NECTIN2: variants seen among roughly 807,000 people sequenced by gnomAD.
NECTIN2 encodes the protein nectin cell adhesion molecule 2.
In NECTIN2, 23 loss-of-function variants were observed where a neutral mutation model predicts 56.9. That is an observed-to-expected ratio of 0.40 (90% CI 0.29 to 0.57). NECTIN2 has a LOEUF of 0.57. NECTIN2 is among the 20% of genes least tolerant of loss of function. The pLI is 0.38. For synonymous variants in NECTIN2, 302 were observed against 313.8 expected, an observed-to-expected ratio of 0.96 and a Z score of 0.40; for missense variants, 587 against 718.3, an observed-to-expected ratio of 0.82 and a Z score of 2.09.
chr19:44,882,229 G>T lies in NECTIN2; in HGVS notation c.1061G>T (p.Gly354Val). ...CTTGCAGAGACCCCCAACACAGCAG[G>T]CGCAGGGGCCACAGGCGGCATCATC... ...IFVRETPNTA[G>V]AGATGGIIGG... Residue 354 changes from glycine to valine, a missense_variant, in exon 6 of 9, where the codon GGC (glycine) becomes GTC (valine). Physicochemically the swap from Gly to Val is moderately radical, Grantham distance 109. Transcript: ENST00000252483. The T allele has an allele frequency of 6.6e-7, 1 of 1,515,304 alleles. No homozygotes were observed. The highest frequency in any genetic ancestry group is 8.9e-7 in the Non-Finnish European group (1 of 1,126,610). The allele number at this position is 1,515,304 out of a possible 1,614,324, so 93.9% of individuals were successfully genotyped here.
Position 44,865,875 on chromosome 19 carries a change from CAA to C in NECTIN2, c.478+221_478+222del, listed in dbSNP as rs1483322501. 6.6e-6 allele frequency among the ~76,000 whole-genome samples: 1 copy of C among 151,888 alleles called. No individual in the cohort carries two copies. The highest frequency in any genetic ancestry group is 6.6e-5 in the Admixed American group (1 of 15,228). ...GGCAACCAGGCATTCTTGGGAAAAA[CAA>C]AAAAATAAGTATTGGCTGGGCGCAG... On this transcript the variant is annotated intron_variant, in intron 2 of 8. Transcript: ENST00000252483. The surrounding 1 kb of genome is among the most constrained non-coding windows in gnomAD (Gnocchi z 5.2).
intron 2 of NECTIN2, among the ~76,000 whole-genome samples, chr19:44,867,836 G>A (rs150358728): frequency 1.3e-5 from 2 of 152,122 alleles, no homozygotes; most frequent in African/African-American, 4.8e-5. Context: ...CAAGCCACAG[G>A]AGAGATCTGG....
intron 5 of NECTIN2, among the ~76,000 whole-genome samples, chr19:44,880,421 A>G (rs1969295001): frequency 6.8e-6 from 1 of 146,220 alleles, no homozygotes. Context: ...GCAAGGAAGG[A>G]GAGGCCCAGG....
chr19:44,877,509 A>G (rs1292346065), intron 5 of NECTIN2, among the ~76,000 whole-genome samples: 1 of 152,058 alleles, frequency 6.6e-6, no homozygotes, highest in Non-Finnish European at 1.5e-5. Flanking sequence ...GTCTGTGAGA[A>G]CCCCATTTTA....
chr19:44,848,565 G>GC (rs1202857027), intron 1 of NECTIN2, among the ~76,000 whole-genome samples: 2 of 152,028 alleles, frequency 1.3e-5, no homozygotes, highest in Non-Finnish European at 2.9e-5. Flanking sequence ...AAACCTCTTA[G>GC]CCCCTGGAGA....
At chr19:44,878,276 G>C in intron 5 of NECTIN2, 1 of 1,178,944 alleles carries the variant, frequency 8.5e-7, no homozygotes, top group Non-Finnish European at 1.2e-6. Flanking sequence ...GGGGGCCGTG[G>C]GGGGGACACT....
intron 8 of NECTIN2, among the ~76,000 whole-genome samples, chr19:44,887,125 A>G (rs558815119): frequency 1.3e-5 from 2 of 151,612 alleles, no homozygotes; most frequent in South Asian, 4.2e-4. Context: ...TGAGACGGGC[A>G]GATCACCTGA....
chr19:44,864,829 A>C (rs957685109), intron 1 of NECTIN2, among the ~76,000 whole-genome samples: 15 of 149,648 alleles, frequency 1.0e-4, no homozygotes, highest in African/African-American at 3.7e-4. Flanking sequence ...CTCCGTCTCA[A>C]AAAAAAAAAG....
At chr19:44,880,473 G>T in intron 5 of NECTIN2, among the ~76,000 whole-genome samples, 1 of 117,032 alleles carries the variant, frequency 8.5e-6, no homozygotes, top group African/African-American at 3.4e-5. Flanking sequence ...TTCCTGTCTT[G>T]CCTTTTTTTT....
intron 1 of NECTIN2, among the ~76,000 whole-genome samples, chr19:44,851,592 G>A (rs1281058471): frequency 6.6e-6 from 1 of 152,130 alleles, no homozygotes; most frequent in Non-Finnish European, 1.5e-5. Context: ...CTACACCCTG[G>A]GCAGCCTCCA....
At position 44,871,939 on chromosome 19, in the gene NECTIN2, C is replaced by T. The variant is rs755963650; in HGVS notation, c.565C>T (p.Arg189Cys). ...GGCCCTCTGCATCTCCAAAGAGGGC[C>T]GCCCACCTGCCCGGATCTCCTGGCT... ...TVALCISKEG[R>C]PPARISWLSS... Residue 189 changes from arginine (R) to cysteine (C), a missense_variant, in exon 3 of 9, where the codon CGC (arginine) becomes TGC (cysteine). Physicochemically the swap from Arg to Cys is radical, Grantham distance 180 (BLOSUM62 -3). Transcript: ENST00000252483. The T allele has an allele frequency of 1.1e-5, 17 of 1,614,016 alleles. No individual in the cohort carries two copies. Among genetic ancestry groups the T allele is most frequent in the South Asian group, 6.6e-5 (6 of 91,078 alleles).
chr19:44,873,406 G>C (rs369734366), intron 3 of NECTIN2, among the ~76,000 whole-genome samples: 1 of 152,168 alleles, frequency 6.6e-6, no homozygotes, highest in East Asian at 1.9e-4. Flanking sequence ...GCCAAGGCGG[G>C]CAGATCACTT....
intron 1 of NECTIN2, among the ~76,000 whole-genome samples, chr19:44,857,711 GT>G (rs1228699075): frequency 2.6e-4 from 38 of 144,190 alleles, no homozygotes; most frequent in South Asian, 2.4e-3. Flanking sequence ...TTTTGTTTTT[GT>G]TTTTTTTTTT....
At chr19:44,852,526 CA>C (rs58168769) in intron 1 of NECTIN2, among the ~76,000 whole-genome samples, 38,754 of 123,970 alleles carry the variant, frequency 0.31, 5,256 homozygotes, top group Admixed American at 0.38. Flanking sequence ...GACTCCGTCT[CA>C]AAAAAAAAAA....
intron 2 of NECTIN2, among the ~76,000 whole-genome samples, chr19:44,869,859 G>A (rs1054099605): frequency 3.9e-5 from 6 of 152,026 alleles, no homozygotes; most frequent in East Asian, 1.9e-4. Context: ...TAAGGCAGGC[G>A]AATTGCTGAA....
Position 44,846,354 on chromosome 19 carries a change from G to C in NECTIN2, c.-172G>C. ...AGCGAGAGGCCGGGGGTGCCGAGCC[G>C]GGCGGGGAGAGCTGGGCCGGGAGAG... On this transcript the variant is annotated 5_prime_UTR_variant, in exon 1 of 9. Coordinates refer to ENST00000252483, the MANE Select transcript of NECTIN2 (RefSeq NM_001042724.2). The C allele has an allele frequency of 2.5e-6, 2 of 786,560 alleles. No homozygotes were observed. Among genetic ancestry groups the C allele is most frequent in the Non-Finnish European group, 3.6e-6 (2 of 555,448 alleles). 48.7% of individuals were successfully genotyped at this position (786,560 alleles called of 1,614,324 possible). A position where few individuals can be genotyped will look rare whatever the true frequency, so the allele number is the denominator to read the frequency against.
chr19:44,863,480 A>G (rs1969057500), intron 1 of NECTIN2, among the ~76,000 whole-genome samples: 1 of 152,186 alleles, frequency 6.6e-6, no homozygotes, highest in South Asian at 2.1e-4. Flanking sequence ...TATTCAGGTG[A>G]TAGATATGCT....
chr19:44,884,282 C>T (rs895896607), intron 6 of NECTIN2, among the ~76,000 whole-genome samples: 3 of 152,086 alleles, frequency 2.0e-5, no homozygotes, highest in African/African-American at 7.2e-5. Context: ...CTACCGCAGC[C>T]TCCCAAGTAA....
chr19:44,869,283 A>T (rs185497002), intron 2 of NECTIN2, among the ~76,000 whole-genome samples: 1 of 152,126 alleles, frequency 6.6e-6, no homozygotes, highest in East Asian at 1.9e-4. Flanking sequence ...AAATAAATAA[A>T]TAATGAGACT....
Sources: gnomAD v4.1 joint callset for allele counts (sites outside exome capture counted in the v4.1 genomes callset) on GRCh38, gnomAD v4.1.1 for gene constraint, Gnocchi (gnomAD v3.1) non-coding constraint, MANE v1.5 for transcripts, NCBI Gene and HGNC (gene_info 2026-07-23, HGNC 2026-07-21) for gene names.